Variants in ELP5 observed in about 807,000 individuals in gnomAD.
The protein encoded by ELP5 is elongator complex protein 5.
In ELP5, 34 loss-of-function variants were observed where a neutral mutation model predicts 33.4. That is an observed-to-expected ratio of 1.02 (90% CI 0.78 to 1.36). The LOEUF (loss-of-function observed/expected upper bound fraction) is 1.36, where lower values mean the gene tolerates loss of function less well. Ranked by LOEUF, ELP5 falls within the 40% of genes most tolerant of loss-of-function variation. The pLI is 0.00. For synonymous variants in ELP5, 161 were observed against 146.4 expected (o/e 1.10, Z -0.72); for missense variants, 373 against 371.7 (o/e 1.00, Z -0.03).
chr17:7,253,467 G>A (rs2072000178), intron 3 of ELP5, among the ~76,000 whole-genome samples: 1 of 152,268 alleles, frequency 6.6e-6, no homozygotes, highest in East Asian at 1.9e-4. Flanking sequence ...GACTTTAGTG[G>A]GTAGAATTTC....
At chr17:7,259,112 T>A in intron 7 of ELP5, 186 bp downstream of exon 7, 1 of 1,446,062 alleles carries the variant, frequency 6.9e-7, no homozygotes, top group Non-Finnish European at 9.0e-7. Flanking sequence ...ATGTCTCTTT[T>A]CTCTCCCTTA....
intron 4 of ELP5, among the ~76,000 whole-genome samples, chr17:7,256,208 G>T (rs1408692767): frequency 3.3e-5 from 5 of 152,140 alleles, no homozygotes; most frequent in Non-Finnish European, 7.3e-5. Flanking sequence ...AATTAGCCAG[G>T]CGTGGTGGCA....
At chr17:7,254,311 G>A (rs1230903440) in intron 3 of ELP5, among the ~76,000 whole-genome samples, 3 of 152,136 alleles carry the variant, frequency 2.0e-5, no homozygotes, top group Non-Finnish European at 4.4e-5. Flanking sequence ...TTAGAGGTTG[G>A]CATCTCATTT....
At chr17:7,252,211 C>T (rs2071947625), upstream of ELP5, 2 of 411,064 alleles carry the variant, frequency 4.9e-6, no homozygotes, top group Non-Finnish European at 9.0e-6. Context: ...GGGAGAGTGA[C>T]GTCACTTGGC....
chr17:7,253,561 C>T (rs1273925857), intron 3 of ELP5, among the ~76,000 whole-genome samples: 1 of 152,182 alleles, frequency 6.6e-6, no homozygotes, highest in Non-Finnish European at 1.5e-5. Context: ...GATCAGGAGA[C>T]ATTAAGAACC....
At chr17:7,256,789 T>G in intron 4 of ELP5, 68 bp from the exon 5 acceptor site, 1 of 1,521,108 alleles carries the variant, frequency 6.6e-7, no homozygotes, top group Non-Finnish European at 9.1e-7. Context: ...TCTCTCTTCT[T>G]CACTGTTAGC....
At position 7,259,223 on chromosome 17, in the gene ELP5, TAGG is replaced by T. The variant is rs550013710; in HGVS notation, c.788+302_788+304del. The T allele has an allele frequency of 5.1e-3, 7,024 of 1,378,108 alleles. 34 individuals carry two copies. The highest frequency in any genetic ancestry group is 6.8e-3 in the Admixed American group (222 of 32,826). The allele number at this position is 1,378,108 out of a possible 1,614,324, so 85.4% of individuals were successfully genotyped here. ...TGGCCCTATCCCTAGGCAGTGGTGC[TAGG>T]AGGACAGAAGGCTATATGGGCGTGG... On this transcript the variant is annotated intron_variant, in intron 7 of 7. Coordinates refer to ENST00000396628, the MANE Select transcript of ELP5 (RefSeq NM_203414.3).
intron 5 of ELP5, 115 bp from the exon 6 acceptor site, chr17:7,258,473 C>G: frequency 1.1e-6 from 1 of 936,046 alleles, no homozygotes; most frequent in African/African-American, 1.7e-5. Flanking sequence ...AAGTTGAGGG[C>G]AGGAGCTGAA....
At chr17:7,259,411 G>A in intron 7 of ELP5, 160 bp from the exon 8 acceptor site, 1 of 1,447,740 alleles carries the variant, frequency 6.9e-7, no homozygotes, top group East Asian at 2.5e-5. Context: ...ACCAAATGGT[G>A]CTTCAGCTCT....
intron 7 of ELP5, 41 bp downstream of exon 7, chr17:7,258,967 C>T: frequency 5.0e-6 from 8 of 1,613,360 alleles, no homozygotes; most frequent in Non-Finnish European, 6.8e-6. Context: ...TGAGTAGATC[C>T]CAGCATCTGG....
At chr17:7,256,634 T>C (rs767479880) in intron 4 of ELP5, among the ~76,000 whole-genome samples, 1 of 152,210 alleles carries the variant, frequency 6.6e-6, no homozygotes, top group Non-Finnish European at 1.5e-5. Flanking sequence ...TGCTGAAGAA[T>C]AGAAGTTAGA....
At position 7,254,580 on chromosome 17, in the gene ELP5, C is replaced by A; in HGVS notation, c.189-3C>A. The A allele has an allele frequency of 6.2e-7, 1 of 1,603,990 alleles. No individual in the cohort carries two copies. Among genetic ancestry groups the A allele is most frequent in the Non-Finnish European group, 8.5e-7 (1 of 1,172,426 alleles). ...TATATTGTGTCTTATTTTCCCTTTG[C>A]AGGCTGGTTTACCATGACTTCTTCA... On this transcript the variant is annotated splice_region_variant and splice_polypyrimidine_tract_variant and intron_variant, in intron 3 of 7. Transcript: ENST00000396628.
intron 3 of ELP5, among the ~76,000 whole-genome samples, chr17:7,254,075 C>G (rs981890829): frequency 6.6e-6 from 1 of 151,904 alleles, no homozygotes; most frequent in Non-Finnish European, 1.5e-5. Flanking sequence ...GCTACCTATG[C>G]CAGTCTCCCT....
intron 4 of ELP5, 42 bp from the exon 5 acceptor site, chr17:7,256,815 C>G (rs751674124): frequency 6.2e-7 from 1 of 1,604,816 alleles, no homozygotes; most frequent in Non-Finnish European, 8.5e-7. Flanking sequence ...GGCCACCAAC[C>G]TGAATGCTCC....
rs1301065573 is a variant in ELP5, at chr17:7,259,878, AAT to A, written c.*194_*195del. 1.4e-5 allele frequency: 13 copies of A among 926,616 alleles called. No homozygotes were observed. The East Asian group carries it at 3.5e-4, about 25-fold the overall frequency. 57.4% of individuals were successfully genotyped at this position (926,616 alleles called of 1,614,324 possible). ...AGAAGGTAGGATGAAGACATGGGGT[AAT>A]GTGAGAGAGTAGAACACCCCCGTAC... On this transcript the variant is annotated 3_prime_UTR_variant, in exon 8 of 8. Coordinates refer to ENST00000396628, the MANE Select transcript of ELP5 (RefSeq NM_203414.3).
At chr17:7,259,490 G>T in intron 7 of ELP5, 81 bp from the exon 8 acceptor site, 1 of 1,586,958 alleles carries the variant, frequency 6.3e-7, no homozygotes, top group South Asian at 1.1e-5. Flanking sequence ...TTGCCTGAAT[G>T]AGAGTCACAG....
At chr17:7,255,001 A>G (rs1204607251) in intron 4 of ELP5, 198 bp downstream of exon 4, 5 of 537,150 alleles carry the variant, frequency 9.3e-6, no homozygotes, top group African/African-American at 4.9e-5. Flanking sequence ...TCTCCAAGTT[A>G]TTTTTTTACT....
chr17:7,252,479 C>T lies in ELP5; in HGVS notation c.-72C>T, dbSNP rs2071957554. On this transcript the variant is annotated 5_prime_UTR_variant, in exon 1 of 8. Transcript: ENST00000396628. ...CGCCCGAGTGCTCGGCCCGTTTCACCCCGAGGAGGAAGGACACTGGGTCAT... is the reference window on the plus strand; with the variant it reads ...CGCCCGAGTGCTCGGCCCGTTTCACTCCGAGGAGGAAGGACACTGGGTCAT... 9 of 1,610,932 alleles carry T rather than the reference C, an allele frequency of 5.6e-6. No individual in the cohort carries two copies. The highest frequency in any genetic ancestry group is 7.6e-6 in the Non-Finnish European group (9 of 1,178,620).
chr17:7,257,753 T>C lies in ELP5; in HGVS notation c.591+715T>C, dbSNP rs183590531. On this transcript the variant is annotated intron_variant, in intron 5 of 7. Coordinates refer to ENST00000396628, the MANE Select transcript of ELP5 (RefSeq NM_203414.3). ...CACCCGGCCCAAGGAGGTTTAAATTTAAGTCACTTACCAAGGTTATAAAGT... is the reference window on the plus strand; with the variant it reads ...CACCCGGCCCAAGGAGGTTTAAATTCAAGTCACTTACCAAGGTTATAAAGT... Among the ~76,000 whole-genome samples, 8 of 152,212 alleles carry C rather than the reference T, an allele frequency of 5.3e-5. No individual in the cohort carries two copies. The East Asian group carries it at 9.6e-4, about 18-fold the overall frequency.
Sources: allele counts gnomAD v4.1 joint callset (sites outside exome capture counted in the v4.1 genomes callset), GRCh38; gene constraint gnomAD v4.1.1; transcripts MANE v1.5; gene names NCBI Gene and HGNC (gene_info 2026-07-23, HGNC 2026-07-21).